The following KCNH5 variants were observed in gnomAD, a reference collection of about 807,000 sequenced individuals.
KCNH5 encodes voltage-gated delayed rectifier potassium channel KCNH5.
In KCNH5, 46 loss-of-function variants were observed where a neutral mutation model predicts 96.1. The ratio of observed to expected loss-of-function variants is 0.48; its 90% CI spans 0.38 to 0.61. The LOEUF (loss-of-function observed/expected upper bound fraction) is 0.61, where lower values mean the gene tolerates loss of function less well. Among genes scored for constraint, KCNH5 ranks in the 20% least tolerant of loss-of-function variants. KCNH5 has a pLI of 0.00. For synonymous variants in KCNH5, 439 were observed against 449.8 expected (o/e 0.98, Z 0.30); for missense variants, 907 against 1,225.8 (o/e 0.74, Z 3.88).
At chr14:62,901,395 T>C (rs1005764516) in intron 7 of KCNH5, among the ~76,000 whole-genome samples, 3 of 152,032 alleles carry the variant, frequency 2.0e-5, no homozygotes, top group Non-Finnish European at 2.9e-5. Context: ...CCCAAGCTAG[T>C]AGAACCCAGT....
chr14:62,899,433 A>C (rs1213110638), intron 7 of KCNH5, among the ~76,000 whole-genome samples: 1 of 152,156 alleles, frequency 6.6e-6, no homozygotes, highest in African/African-American at 2.4e-5. Flanking sequence ...CAAAAAATAA[A>C]TAAATAAATA....
chr14:62,835,890 A>C (rs1887456661), intron 8 of KCNH5, among the ~76,000 whole-genome samples: 2 of 152,068 alleles, frequency 1.3e-5, no homozygotes, highest in South Asian at 2.1e-4. Flanking sequence ...GAAATAAATG[A>C]AATTCTTCCT....
chr14:63,015,526 C>T (rs1391998171), intron 2 of KCNH5, among the ~76,000 whole-genome samples: 2 of 151,912 alleles, frequency 1.3e-5, no homozygotes, highest in Non-Finnish European at 2.9e-5. Flanking sequence ...CCTCTGATTA[C>T]TCAGTACCTA....
At chr14:62,980,483 G>C (rs1260980126) in intron 6 of KCNH5, among the ~76,000 whole-genome samples, 3 of 152,088 alleles carry the variant, frequency 2.0e-5, no homozygotes, top group Non-Finnish European at 4.4e-5. Context: ...CTATTTATTA[G>C]GTTGTTATAA....
chr14:62,771,489 G>T (rs891242035), intron 10 of KCNH5, among the ~76,000 whole-genome samples: 1 of 152,104 alleles, frequency 6.6e-6, no homozygotes, highest in Non-Finnish European at 1.5e-5. Context: ...GCCGGGCATG[G>T]TGGCAGGCGC....
At chr14:62,893,371 G>A (rs374716632) in intron 7 of KCNH5, among the ~76,000 whole-genome samples, 3 of 152,178 alleles carry the variant, frequency 2.0e-5, no homozygotes, top group East Asian at 1.9e-4. Flanking sequence ...TGCTTCTTAC[G>A]GATAAGTGAA....
intron 10 of KCNH5, among the ~76,000 whole-genome samples, chr14:62,737,691 T>C (rs945989915): frequency 6.6e-6 from 1 of 152,168 alleles, no homozygotes; most frequent in Non-Finnish European, 1.5e-5. Context: ...TTCTTAATTA[T>C]TGAGAAGTCA....
chr14:62,888,347 G>A (rs1290478583), intron 7 of KCNH5, among the ~76,000 whole-genome samples: 1 of 152,122 alleles, frequency 6.6e-6, no homozygotes, highest in Non-Finnish European at 1.5e-5. Flanking sequence ...TTATGAGAGT[G>A]TATATTCTCT....
intron 7 of KCNH5, among the ~76,000 whole-genome samples, chr14:62,917,999 A>C (rs1287800356): frequency 6.6e-6 from 1 of 152,172 alleles, no homozygotes; most frequent in Non-Finnish European, 1.5e-5. Flanking sequence ...CCATCTGTCT[A>C]AAGGATCCTG....
intron 7 of KCNH5, among the ~76,000 whole-genome samples, chr14:62,898,512 G>A (rs892521966): frequency 6.6e-6 from 1 of 152,116 alleles, no homozygotes; most frequent in Non-Finnish European, 1.5e-5. Flanking sequence ...GAATTTAAAT[G>A]TATTGGCAAT....
rs1458993595 is a variant in KCNH5, at chr14:63,012,268, G to A, written c.197+4563C>T. On this transcript the variant is annotated intron_variant, in intron 2 of 10. Coordinates refer to ENST00000322893, the MANE Select transcript of KCNH5 (RefSeq NM_139318.5). ...AAACAGCAAAACAGTGCAAAGGCGT[G>A]GAAAATGCAGTGTCCACAGTAAAAT... Among the ~76,000 whole-genome samples, 3 of 152,216 alleles carry A rather than the reference G, an allele frequency of 2.0e-5. No individual in the cohort carries two copies. In the East Asian group the frequency reaches 5.8e-4, roughly 29 times the overall value.
At chr14:62,931,890 C>T (rs1889587657) in intron 7 of KCNH5, among the ~76,000 whole-genome samples, 1 of 152,136 alleles carries the variant, frequency 6.6e-6, no homozygotes, top group Admixed American at 6.6e-5. Flanking sequence ...ACACTGAAAT[C>T]AGGGGTTATG....
intron 6 of KCNH5, among the ~76,000 whole-genome samples, chr14:62,952,686 A>C (rs1278674642): frequency 6.6e-6 from 1 of 152,162 alleles, no homozygotes; most frequent in Admixed American, 6.5e-5. Flanking sequence ...AAGCAAAGAG[A>C]AGGAAAAACA....
intron 6 of KCNH5, among the ~76,000 whole-genome samples, chr14:62,965,873 G>C (rs1165983995): frequency 1.3e-5 from 2 of 152,064 alleles, no homozygotes; most frequent in African/African-American, 2.4e-5. Context: ...AAACTTGTTA[G>C]ATTTCAATAT....
chr14:62,798,379 C>T (rs931416676), intron 9 of KCNH5, among the ~76,000 whole-genome samples: 1 of 152,168 alleles, frequency 6.6e-6, no homozygotes, highest in Non-Finnish European at 1.5e-5. Context: ...CTCAGAAAGG[C>T]ACAATATACT....
chr14:62,961,817 G>C (rs1294227344), intron 6 of KCNH5, among the ~76,000 whole-genome samples: 1 of 151,804 alleles, frequency 6.6e-6, no homozygotes, highest in African/African-American at 2.4e-5. Flanking sequence ...GATGGAGATG[G>C]AGATGCAGAT....
At chr14:62,869,215 T>C (rs1336806366) in intron 7 of KCNH5, among the ~76,000 whole-genome samples, 2 of 152,226 alleles carry the variant, frequency 1.3e-5, no homozygotes, top group Admixed American at 6.5e-5. Context: ...CCTTACTTTT[T>C]AATGATCGCC....
intron 6 of KCNH5, among the ~76,000 whole-genome samples, chr14:62,978,604 A>AAAG (rs1456462946): frequency 6.6e-6 from 1 of 151,162 alleles, no homozygotes; most frequent in African/African-American, 2.4e-5. Flanking sequence ...AAAAAAAAAG[A>AAAG]AAGAAAATTG....
chr14:62,842,476 G>A (rs1162892611), intron 8 of KCNH5, among the ~76,000 whole-genome samples: 2 of 152,190 alleles, frequency 1.3e-5, no homozygotes, highest in African/African-American at 4.8e-5. Flanking sequence ...TGTAACAATA[G>A]TTAAGTTCTC....
Sources: gnomAD v4.1 joint callset for allele counts (sites outside exome capture counted in the v4.1 genomes callset) on GRCh38, gnomAD v4.1.1 for gene constraint, MANE v1.5 for transcripts, NCBI Gene and HGNC (gene_info 2026-07-23, HGNC 2026-07-21) for gene names.